MYO10: variants seen among roughly 807,000 people sequenced by gnomAD.
MYO10 encodes the protein unconventional myosin-X.
In MYO10, 133 loss-of-function variants were observed where a neutral mutation model predicts 257.3. The ratio of observed to expected loss-of-function variants is 0.52; its 90% CI spans 0.45 to 0.60. The LOEUF (loss-of-function observed/expected upper bound fraction) is 0.60. Ranked by LOEUF, MYO10 falls within the 20% of genes least tolerant of loss-of-function variation. The pLI, the probability that MYO10 is intolerant of heterozygous loss-of-function variation, is 0.00. For synonymous variants in MYO10, 1,104 were observed against 1,028.6 expected, an observed-to-expected ratio of 1.07 and a Z score of -1.40; for missense variants, 2,399 against 2,635.7, an observed-to-expected ratio of 0.91 and a Z score of 1.97.
chr5:16,744,382 G>C (rs1433975128), intron 19 of MYO10, among the ~76,000 whole-genome samples: 1 of 152,106 alleles, frequency 6.6e-6, no homozygotes, highest in Non-Finnish European at 1.5e-5. Flanking sequence ...GGCCACACAA[G>C]GTGTAGTGAT....
intron 19 of MYO10, among the ~76,000 whole-genome samples, chr5:16,742,446 T>G (rs1740048605): frequency 6.6e-6 from 1 of 152,248 alleles, no homozygotes; most frequent in African/African-American, 2.4e-5. Context: ...ATATGAAATG[T>G]TTTCAAAAGT....
Position 16,827,264 on chromosome 5 carries a change from T to C in MYO10, c.121-9097A>G, listed in dbSNP as rs990100055. ...GTCAGAGATTTGGCACTCTAGTTAC[T>C]ATAGCCTAGGGGTTAACATTATCTT... On this transcript the variant is annotated intron_variant, in intron 2 of 40. Coordinates refer to ENST00000513610, the MANE Select transcript of MYO10 (RefSeq NM_012334.3). Among the ~76,000 whole-genome samples the C allele has an allele frequency of 5.3e-5, 8 of 152,222 alleles. No homozygotes were observed. In the East Asian group the frequency reaches 1.5e-3, roughly 29 times the overall value.
At chr5:16,780,310 CA>C (rs200589107) in intron 8 of MYO10, among the ~76,000 whole-genome samples, 1,108 of 70,436 alleles carry the variant, frequency 0.016, 20 homozygotes, top group African/African-American at 0.036. Flanking sequence ...TACCAAGACT[CA>C]AAAAAAAAAA....
At chr5:16,781,647 G>T in intron 6 of MYO10, 58 bp downstream of exon 6, 1 of 1,505,652 alleles carries the variant, frequency 6.6e-7, no homozygotes, top group Non-Finnish European at 9.1e-7. Context: ...TAATTAGTGA[G>T]AACAGTTTCC....
At chr5:16,934,464 G>A (rs1746379134) in intron 1 of MYO10, among the ~76,000 whole-genome samples, 2 of 152,240 alleles carry the variant, frequency 1.3e-5, no homozygotes, top group Admixed American at 1.3e-4. Context: ...TAGCCCGAGG[G>A]TCCTTTACCA....
chr5:16,890,047 G>A (rs1378665880), intron 1 of MYO10, among the ~76,000 whole-genome samples: 3 of 151,766 alleles, frequency 2.0e-5, no homozygotes, highest in Non-Finnish European at 4.4e-5. Context: ...AAAAATGAAC[G>A]ACCCAAGAAC....
At chr5:16,770,592 C>A (rs1333589622) in intron 9 of MYO10, among the ~76,000 whole-genome samples, 3 of 152,138 alleles carry the variant, frequency 2.0e-5, no homozygotes, top group African/African-American at 7.2e-5. Context: ...TACACACAAA[C>A]TTGGGGGCAG....
chr5:16,917,562 C>T (rs999729371), intron 1 of MYO10, among the ~76,000 whole-genome samples: 1 of 151,930 alleles, frequency 6.6e-6, no homozygotes, highest in Non-Finnish European at 1.5e-5. Flanking sequence ...CTATGCAAAC[C>T]AGTAACTCTA....
chr5:16,853,644 A>G (rs1743876373), intron 2 of MYO10, among the ~76,000 whole-genome samples: 1 of 152,298 alleles, frequency 6.6e-6, no homozygotes, highest in South Asian at 2.1e-4. Flanking sequence ...CCAAGAGGCC[A>G]GCTATTTATT....
chr5:16,898,499 G>A (rs1334024144), intron 1 of MYO10, among the ~76,000 whole-genome samples: 3 of 148,028 alleles, frequency 2.0e-5, no homozygotes, highest in African/African-American at 5.0e-5. Context: ...TGCAACCTCC[G>A]CCTCCAGGGT....
At chr5:16,859,722 G>A (rs545425856) in intron 2 of MYO10, among the ~76,000 whole-genome samples, 272 of 152,234 alleles carry the variant, frequency 1.8e-3, no homozygotes, top group African/African-American at 6.3e-3. Context: ...ACTCCAGCCT[G>A]GGTGACAGGG....
chr5:16,680,054 T>C lies in MYO10; in HGVS notation c.4435A>G (p.Thr1479Ala). 1 of 1,613,852 alleles carries C rather than the reference T, an allele frequency of 6.2e-7. No individual in the cohort carries two copies. The highest frequency in any genetic ancestry group is 8.5e-7 in the Non-Finnish European group (1 of 1,179,794). The change falls in exon 33 of 41, where the codon ACC becomes GCC. Residue 1479 changes from threonine (T) to alanine (A), a missense_variant. Coordinates refer to ENST00000513610, the MANE Select transcript of MYO10 (RefSeq NM_012334.3). ...YGRKHCYRLY[T>A]KLLNEATRWS... is the part of the protein sequence containing the mutation. ...CGGGTGGCCTCGTTGAGCAGCTTGGTGTAGAGCCGGTAACAGTGCTTGCGC... is the reference window on the plus strand; with the variant it reads ...CGGGTGGCCTCGTTGAGCAGCTTGGCGTAGAGCCGGTAACAGTGCTTGCGC...
intron 19 of MYO10, among the ~76,000 whole-genome samples, chr5:16,718,584 A>G (rs1739003982): frequency 6.6e-6 from 1 of 151,096 alleles, no homozygotes; most frequent in African/African-American, 2.4e-5. Context: ...CAGGGACTGT[A>G]AACACACCAA....
At chr5:16,867,209 A>G (rs1315116217) in intron 2 of MYO10, among the ~76,000 whole-genome samples, 1 of 152,190 alleles carries the variant, frequency 6.6e-6, no homozygotes, top group Non-Finnish European at 1.5e-5. Context: ...TTCAGCACTC[A>G]GATCGGTCCT....
chr5:16,827,154 T>C (rs991107472), intron 2 of MYO10, among the ~76,000 whole-genome samples: 1 of 152,174 alleles, frequency 6.6e-6, no homozygotes, highest in Non-Finnish European at 1.5e-5. Flanking sequence ...CATTGGAATC[T>C]AATCAAAAGG....
chr5:16,795,301 G>T (rs1741904844), intron 3 of MYO10, among the ~76,000 whole-genome samples: 1 of 152,186 alleles, frequency 6.6e-6, no homozygotes, highest in African/African-American at 2.4e-5. Flanking sequence ...TATTTAGGGT[G>T]ATGGGGAAGT....
In MYO10 at chr5:16,665,631, C is replaced by T. The variant is rs1251990027; in HGVS notation, c.*1061G>A. On this transcript the variant is annotated 3_prime_UTR_variant, in exon 41 of 41. Coordinates refer to ENST00000513610, the MANE Select transcript of MYO10 (RefSeq NM_012334.3). Reference sequence around the variant, plus strand: ...GACGTTTCTGGAATGCAGCGTCTCTCCCCCATAGTCAACATGGTTATTATA... The same window carrying T: ...GACGTTTCTGGAATGCAGCGTCTCTTCCCCATAGTCAACATGGTTATTATA... The T allele has an allele frequency of 1.3e-5, 2 of 152,270 alleles. No homozygotes were observed. Among genetic ancestry groups the T allele is most frequent in the Non-Finnish European group, 1.5e-5 (1 of 68,028 alleles). 9.4% of individuals were successfully genotyped at this position (152,270 alleles called of 1,614,324 possible).
chr5:16,743,374 G>A (rs1740078761), intron 19 of MYO10, among the ~76,000 whole-genome samples: 7 of 152,090 alleles, frequency 4.6e-5, no homozygotes, highest in Admixed American at 3.3e-4. Context: ...TGGACACGGT[G>A]GCTTACGTCT....
chr5:16,855,807 ACT>A (rs1222601894), intron 2 of MYO10, among the ~76,000 whole-genome samples: 1 of 152,228 alleles, frequency 6.6e-6, no homozygotes, highest in Non-Finnish European at 1.5e-5. Flanking sequence ...GGCACTGTGA[ACT>A]CTGACGTGGC....
Sources: allele counts gnomAD v4.1 joint callset (sites outside exome capture counted in the v4.1 genomes callset), GRCh38; gene constraint gnomAD v4.1.1; transcripts MANE v1.5; gene names NCBI Gene and HGNC (gene_info 2026-07-23, HGNC 2026-07-21).